SMC6: variants seen among roughly 807,000 people sequenced by gnomAD.
SMC6 encodes the protein structural maintenance of chromosomes protein 6.
Under a neutral mutation model 142.2 loss-of-function variants are expected in SMC6, and 79 were observed. The ratio of observed to expected loss-of-function variants is 0.56; its 90% CI spans 0.46 to 0.67. The LOEUF is 0.67. Ranked by LOEUF, SMC6 falls within the 30% of genes least tolerant of loss-of-function variation. The pLI is 0.00. For missense variants in SMC6, 1,072 were observed against 1,284.0 expected (o/e 0.83, Z 2.52); for synonymous variants, 411 against 412.4 (o/e 1.00, Z 0.04).
In SMC6 at chr2:17,665,352, T is replaced by A. The variant is rs566379619; in HGVS notation, c.*147A>T. 3 of 405,002 alleles carry A rather than the reference T, an allele frequency of 7.4e-6. No individual in the cohort carries two copies. The highest frequency in any genetic ancestry group is 7.3e-5 in the East Asian group (2 of 27,262). The allele number at this position is 405,002 out of a possible 1,614,324, so 25.1% of individuals were successfully genotyped here. The stretch of plus-strand genomic sequence containing the variant: ...GTTGTAGTTGGTTTTCCAGGCTTAT[T>A]TATATGTTTGATTGTGGTTGGATAT... On this transcript the variant is annotated 3_prime_UTR_variant, in exon 28 of 28. Coordinates refer to ENST00000448223, the MANE Select transcript of SMC6 (RefSeq NM_001142286.2).
chr2:17,702,794 G>A (rs539625061), intron 19 of SMC6, among the ~76,000 whole-genome samples: 168 of 152,022 alleles, frequency 1.1e-3, no homozygotes, highest in African/African-American at 4.0e-3. Flanking sequence ...CATGGCTGCC[G>A]CCACGTAAGA....
At chr2:17,736,547 ATTGT>A (rs1255568196) in intron 5 of SMC6, among the ~76,000 whole-genome samples, 5 of 152,094 alleles carry the variant, frequency 3.3e-5, no homozygotes, top group Non-Finnish European at 5.9e-5. Context: ...AGACTGGGTG[ATTGT>A]TTGGACAGCT....
intron 5 of SMC6, among the ~76,000 whole-genome samples, chr2:17,733,759 T>G (rs1442005656): frequency 6.6e-6 from 1 of 152,162 alleles, no homozygotes; most frequent in East Asian, 1.9e-4. Context: ...AGATAAGCTC[T>G]TTGGAAACCA....
At chr2:17,667,720 C>T (rs1666565350) in intron 26 of SMC6, among the ~76,000 whole-genome samples, 1 of 152,098 alleles carries the variant, frequency 6.6e-6, no homozygotes, top group Non-Finnish European at 1.5e-5. Flanking sequence ...CATGGTGGTG[C>T]ACACCTGTAA....
chr2:17,727,523 A>ATT (rs1669690258), intron 7 of SMC6, among the ~76,000 whole-genome samples: 1 of 151,708 alleles, frequency 6.6e-6, no homozygotes, highest in Admixed American at 6.6e-5. Context: ...ATATATATAT[A>ATT]TATACACACA....
chr2:17,714,774 T>C, intron 16 of SMC6, 87 bp downstream of exon 16: 2 of 1,329,134 alleles, frequency 1.5e-6, no homozygotes, highest in Non-Finnish European at 2.1e-6. Context: ...GGTAAAGATA[T>C]GATTAACATT....
At chr2:17,672,708 T>G (rs994648100) in intron 25 of SMC6, among the ~76,000 whole-genome samples, 2 of 152,224 alleles carry the variant, frequency 1.3e-5, no homozygotes, top group African/African-American at 4.8e-5. Context: ...ATACACTATG[T>G]ACATCCTTGT....
chr2:17,691,079 G>A (rs1332257460), intron 23 of SMC6, among the ~76,000 whole-genome samples: 2 of 151,276 alleles, frequency 1.3e-5, no homozygotes, highest in Non-Finnish European at 2.9e-5. Flanking sequence ...ATTAAATACA[G>A]TGAAATTATA....
At chr2:17,713,368 T>C (rs943710671) in intron 16 of SMC6, 6 of 420,520 alleles carry the variant, frequency 1.4e-5, no homozygotes, top group Admixed American at 2.5e-5. Context: ...GCCCTTGTTC[T>C]CAGCACATAA....
intron 20 of SMC6, among the ~76,000 whole-genome samples, chr2:17,700,959 A>G (rs1183420141): frequency 6.6e-6 from 1 of 151,832 alleles, no homozygotes; most frequent in Non-Finnish European, 1.5e-5. Flanking sequence ...TGAACCCAGG[A>G]GGCAGAGGTT....
intron 23 of SMC6, among the ~76,000 whole-genome samples, chr2:17,692,965 T>A (rs1667802973): frequency 6.6e-6 from 1 of 152,206 alleles, no homozygotes; most frequent in African/African-American, 2.4e-5. Flanking sequence ...ATGCTCATCA[T>A]CACTGGCCAT....
intron 25 of SMC6, among the ~76,000 whole-genome samples, chr2:17,673,228 T>C (rs1048057100): frequency 1.3e-5 from 2 of 152,248 alleles, no homozygotes; most frequent in African/African-American, 4.8e-5. Flanking sequence ...CTTTTGACTA[T>C]TTTAAATGTG....
intron 4 of SMC6, among the ~76,000 whole-genome samples, chr2:17,738,741 C>T (rs1474497934): frequency 6.6e-6 from 1 of 152,202 alleles, no homozygotes; most frequent in East Asian, 1.9e-4. Flanking sequence ...TAACCTCGGA[C>T]TCCTGGGCTC....
rs748283369 is a variant in SMC6, at chr2:17,695,105, AT to A, written c.2678+46del. ...ATGTTTTTCATTTTTTGTCTTGATG[AT>A]ATGCATGAATAATGTGGTAAAGCAG... On this transcript the variant is annotated intron_variant, in intron 23 of 27. Transcript: ENST00000448223. 8.8e-6 allele frequency: 14 copies of A among 1,596,198 alleles called. No individual in the cohort carries two copies. The South Asian group carries it at 1.5e-4, about 17-fold the overall frequency.
chr2:17,701,153 G>A (rs923936420), intron 20 of SMC6, among the ~76,000 whole-genome samples: 9 of 151,668 alleles, frequency 5.9e-5, no homozygotes, highest in Non-Finnish European at 1.2e-4. Flanking sequence ...AAAAAATGGA[G>A]ACAAATTCTA....
At chr2:17,686,434 A>G (rs915760359) in intron 23 of SMC6, among the ~76,000 whole-genome samples, 9 of 152,176 alleles carry the variant, frequency 5.9e-5, no homozygotes, top group African/African-American at 1.9e-4. Context: ...GTGAGCCAAG[A>G]TTGTGCCGCA....
intron 7 of SMC6, among the ~76,000 whole-genome samples, chr2:17,727,831 C>T (rs186606278): frequency 6.6e-5 from 10 of 152,166 alleles, no homozygotes; most frequent in East Asian, 3.9e-4. Context: ...CTCTCAAGTA[C>T]GATGTTGGGC....
intron 15 of SMC6, among the ~76,000 whole-genome samples, chr2:17,715,724 A>T (rs1669050641): frequency 6.6e-6 from 1 of 152,128 alleles, no homozygotes; most frequent in Admixed American, 6.5e-5. Context: ...AGAAACTAAG[A>T]AAGAAAAGTC....
At chr2:17,693,606 T>C (rs1667839813) in intron 23 of SMC6, among the ~76,000 whole-genome samples, 1 of 151,758 alleles carries the variant, frequency 6.6e-6, no homozygotes, top group Non-Finnish European at 1.5e-5. Context: ...AGGTAATGGG[T>C]GCAGCACACC....
Sources: gnomAD v4.1 joint callset for allele counts (sites outside exome capture counted in the v4.1 genomes callset) on GRCh38, gnomAD v4.1.1 for gene constraint, MANE v1.5 for transcripts, NCBI Gene and HGNC (gene_info 2026-07-23, HGNC 2026-07-21) for gene names.